The following PCSK5 variants were observed in gnomAD, a reference collection of about 807,000 sequenced individuals.
PCSK5 encodes prohormone convertase 5.
A neutral mutation model predicts 233.2 loss-of-function variants in PCSK5; 129 were observed. The ratio of observed to expected loss-of-function variants is 0.55; its 90% CI spans 0.48 to 0.64. The LOEUF (loss-of-function observed/expected upper bound fraction) is 0.64. Among genes scored for constraint, PCSK5 ranks in the 30% least tolerant of loss-of-function variants. PCSK5 has a pLI of 0.00. For synonymous variants in PCSK5, 825 were observed against 879.2 expected (o/e 0.94, Z 1.09); for missense variants, 2,076 against 2,430.1 (o/e 0.85, Z 3.06).
intron 5 of PCSK5, among the ~76,000 whole-genome samples, chr9:76,062,158 CA>C (rs1830052314): frequency 6.6e-6 from 1 of 151,806 alleles, no homozygotes; most frequent in African/African-American, 2.4e-5. Flanking sequence ...TGAGGTGATA[CA>C]ATTGCTTGAG....
At chr9:75,995,518 G>A (rs945001896) in intron 3 of PCSK5, among the ~76,000 whole-genome samples, 2 of 152,148 alleles carry the variant, frequency 1.3e-5, no homozygotes, top group African/African-American at 4.8e-5. Context: ...AAGAAGTTGT[G>A]TCTTTGTGAT....
intron 14 of PCSK5, among the ~76,000 whole-genome samples, chr9:76,176,962 G>A (rs1823641759): frequency 6.6e-6 from 1 of 152,198 alleles, no homozygotes; most frequent in Admixed American, 6.5e-5. Context: ...GATATGACAT[G>A]TAACGCATAA....
chr9:76,292,504 C>G (rs1473451096), intron 25 of PCSK5, among the ~76,000 whole-genome samples: 2 of 152,202 alleles, frequency 1.3e-5, no homozygotes, highest in African/African-American at 4.8e-5. Context: ...CAGCCTGACA[C>G]TGGTGTCTAG....
intron 11 of PCSK5, 52 bp downstream of exon 11, chr9:76,157,214 C>G (rs990575909): frequency 2.5e-6 from 3 of 1,186,904 alleles, no homozygotes; most frequent in South Asian, 2.4e-5. Flanking sequence ...ATAGAGCAAG[C>G]CAGTCAATTG....
At position 75,899,612 on chromosome 9, in the gene PCSK5, A is replaced by G. The variant is rs138629279; in HGVS notation, c.192+8239A>G. Among the ~76,000 whole-genome samples the G allele has an allele frequency of 2.2e-4, 34 of 152,280 alleles. 1 individual carries two copies. In the East Asian group the frequency reaches 5.4e-3, roughly 24 times the overall value. Reference sequence around the variant, plus strand: ...ACATTTTCTCCCCTAAATTCCACATATAAGCGGGATCATCAGCATTCTTTT... The same window carrying G: ...ACATTTTCTCCCCTAAATTCCACATGTAAGCGGGATCATCAGCATTCTTTT... On this transcript the variant is annotated intron_variant, in intron 1 of 37. Coordinates refer to ENST00000674117, the MANE Select transcript of PCSK5 (RefSeq NM_001372043.1).
chr9:76,127,767 C>A (rs953462826), intron 9 of PCSK5, among the ~76,000 whole-genome samples: 1 of 152,158 alleles, frequency 6.6e-6, no homozygotes, highest in African/African-American at 2.4e-5. Context: ...TGACGCTTGT[C>A]TTTGGTAGCC....
chr9:75,929,037 G>C (rs1050530845), intron 1 of PCSK5, among the ~76,000 whole-genome samples: 9 of 152,114 alleles, frequency 5.9e-5, no homozygotes, highest in Admixed American at 5.9e-4. Context: ...CCTGGTTTAA[G>C]CAATTCTCCT....
intron 5 of PCSK5, among the ~76,000 whole-genome samples, chr9:76,038,707 A>G (rs918984156): frequency 2.6e-5 from 4 of 152,198 alleles, no homozygotes; most frequent in African/African-American, 4.8e-5. Flanking sequence ...TTGAAATGTA[A>G]TTCGTAAAGA....
chr9:76,183,144 A>T (rs955478813), intron 16 of PCSK5, among the ~76,000 whole-genome samples: 25 of 152,192 alleles, frequency 1.6e-4, no homozygotes, highest in Non-Finnish European at 3.4e-4. Flanking sequence ...TCAAAATTCT[A>T]TCAGGAAGGT....
chr9:76,065,462 T>G (rs1830253119), intron 5 of PCSK5, among the ~76,000 whole-genome samples: 1 of 152,232 alleles, frequency 6.6e-6, no homozygotes, highest in Non-Finnish European at 1.5e-5. Flanking sequence ...ATATGTCTTC[T>G]TTTGTGAAAT....
intron 24 of PCSK5, among the ~76,000 whole-genome samples, chr9:76,265,819 T>C (rs923845204): frequency 6.6e-5 from 10 of 152,184 alleles, no homozygotes; most frequent in Admixed American, 4.6e-4. Flanking sequence ...TGTGGCAGAA[T>C]GTTAACAGTA....
At chr9:75,986,078 T>C (rs1476288007) in intron 2 of PCSK5, 54 bp from the exon 3 acceptor site, 1 of 1,027,236 alleles carries the variant, frequency 9.7e-7, no homozygotes, top group African/African-American at 1.6e-5. Flanking sequence ...CTGTCATTTA[T>C]GTTGTAATAA....
rs774202283 is a variant in PCSK5, at chr9:76,188,618, C to T, written c.2323C>T (p.Arg775Trp). ...SRCSVSCEDG[R>W]YFNGQDCQPC... ...GTGCTCTGTCTCCTGTGAAGATGGA[C>T]GGTATTTCAACGGCCAGGACTGCCA... The change falls in exon 18 of 38, where the codon CGG (arginine) becomes TGG (tryptophan). Residue 775 changes from arginine (R) to tryptophan (W), a missense_variant. Arg to Trp is a moderately radical substitution (Grantham distance 101). Coordinates refer to ENST00000674117, the MANE Select transcript of PCSK5 (RefSeq NM_001372043.1). The T allele has an allele frequency of 1.4e-5, 22 of 1,613,560 alleles. No homozygotes were observed. Among genetic ancestry groups the T allele is most frequent in the Middle Eastern group, 3.3e-4 (2 of 6,080 alleles).
chr9:75,932,607 T>C, intron 2 of PCSK5, 124 bp downstream of exon 2: 1 of 666,690 alleles, frequency 1.5e-6, no homozygotes, highest in Non-Finnish European at 2.7e-6. Context: ...ATATTATCCT[T>C]TGGTCTAGTG....
chr9:75,972,087 T>C (rs1248606814), intron 2 of PCSK5, among the ~76,000 whole-genome samples: 1 of 152,224 alleles, frequency 6.6e-6, no homozygotes, highest in East Asian at 1.9e-4. Flanking sequence ...AGTTTCAATT[T>C]TCTGCATATG....
At chr9:75,958,219 A>G (rs1195308976) in intron 2 of PCSK5, among the ~76,000 whole-genome samples, 1 of 152,168 alleles carries the variant, frequency 6.6e-6, no homozygotes, top group Non-Finnish European at 1.5e-5. Flanking sequence ...GGGCAAACCT[A>G]CTTAGCTTTA....
chr9:76,131,719 G>GA (rs1822767107), intron 9 of PCSK5, among the ~76,000 whole-genome samples: 1 of 152,024 alleles, frequency 6.6e-6, no homozygotes, highest in Admixed American at 6.6e-5. Flanking sequence ...TTTCACTAGG[G>GA]AAAATGTGGA....
chr9:76,174,464 G>A (rs556373336), intron 13 of PCSK5, among the ~76,000 whole-genome samples: 36 of 151,848 alleles, frequency 2.4e-4, no homozygotes, highest in African/African-American at 4.1e-4. Flanking sequence ...GTGCCACTGC[G>A]CCCAGCTAAT....
intron 5 of PCSK5, among the ~76,000 whole-genome samples, chr9:76,027,316 G>A (rs1828469557): frequency 1.3e-5 from 2 of 152,042 alleles, no homozygotes; most frequent in African/African-American, 4.8e-5. Flanking sequence ...ATTGCCCTGT[G>A]AGCCATTTGT....
Sources: gnomAD v4.1 joint callset for allele counts (sites outside exome capture counted in the v4.1 genomes callset) on GRCh38, gnomAD v4.1.1 for gene constraint, MANE v1.5 for transcripts, NCBI Gene and HGNC (gene_info 2026-07-23, HGNC 2026-07-21) for gene names.